The following TESK2 variants were observed in gnomAD, a reference collection of about 807,000 sequenced individuals.
TESK2 encodes dual specificity testis-specific protein kinase 2.
A neutral mutation model predicts 57.1 loss-of-function variants in TESK2; 39 were observed. That is an observed-to-expected ratio of 0.68 (90% confidence interval 0.53 to 0.89). TESK2 has a LOEUF of 0.89. Ranked by LOEUF, TESK2 falls within the 40% of genes least tolerant of loss-of-function variation. TESK2 has a pLI of 0.00. For missense variants in TESK2, 646 were observed against 732.1 expected (o/e 0.88, Z 1.36); for synonymous variants, 249 against 267.9 (o/e 0.93, Z 0.69).
At chr1:45,465,168 G>A (rs376257453) in intron 1 of TESK2, among the ~76,000 whole-genome samples, 32 of 151,822 alleles carry the variant, frequency 2.1e-4, no homozygotes, top group East Asian at 1.7e-3. Flanking sequence ...CACAGGAGGC[G>A]AAGGTTGCAA....
At chr1:45,379,044 G>A (rs1648544758) in intron 4 of TESK2, among the ~76,000 whole-genome samples, 1 of 151,972 alleles carries the variant, frequency 6.6e-6, no homozygotes, top group South Asian at 2.1e-4. Context: ...TCTTTATCAT[G>A]GTAAATAAGG....
In TESK2 at chr1:45,345,427, G is replaced by C. The variant is rs1348632597; in HGVS notation, c.1129C>G (p.Pro377Ala). The stretch of plus-strand genomic sequence containing the variant: ...GGGTCCAAGACACTCACTGTACGTG[G>C]GGGCTTACGGGAAAAGATATCTGAC... ...SQSDIFSRKP[P>A]RTVSVLDPYY... The change falls in exon 11 of 11, where the codon CCA (proline) becomes GCA (alanine). Residue 377 changes from proline (P) to alanine (A), a missense_variant. By Grantham distance (27) the Pro-to-Ala change is conservative (BLOSUM62 -1). Coordinates refer to ENST00000372086, the MANE Select transcript of TESK2 (RefSeq NM_007170.3). The C allele has an allele frequency of 6.2e-7, 1 of 1,614,168 alleles. No homozygotes were observed.
chr1:45,432,287 G>A lies in TESK2; in HGVS notation c.223-10441C>T, dbSNP rs528984554. 3.9e-5 allele frequency among the ~76,000 whole-genome samples: 6 copies of A among 151,926 alleles called. No homozygotes were observed. The East Asian group carries it at 5.9e-4, about 15-fold the overall frequency. On this transcript the variant is annotated intron_variant, in intron 2 of 10. Transcript: ENST00000372086. ...TGGCATTAAGGGATCCTCCTGCCTC[G>A]GCCTTCCAAAGTGCTAGGATTACAG...
At position 45,360,083 on chromosome 1, in the gene TESK2, T is replaced by C. The variant is rs1189275924; in HGVS notation, c.394-4634A>G. Among the ~76,000 whole-genome samples the C allele has an allele frequency of 2.6e-5, 4 of 152,290 alleles. No homozygotes were observed. The East Asian group carries it at 7.7e-4, about 29-fold the overall frequency. ...ACTTCTCAAAAGGGAAACTTGTTGA[T>C]CTGCTTCATCCTGCTTGATAATCCA... On this transcript the variant is annotated intron_variant, in intron 4 of 10. Coordinates refer to ENST00000372086, the MANE Select transcript of TESK2 (RefSeq NM_007170.3).
At position 45,421,719 on chromosome 1, in the gene TESK2, C is replaced by T; in HGVS notation, c.344+6G>A. ...TCATTGATCAGAAGGAAGGAAAAGC[C>T]ATTACCTAAGGATGTTGGGATGGGA... On this transcript the variant is annotated splice_donor_region_variant and intron_variant, in intron 3 of 10. Transcript: ENST00000372086. 1.2e-6 allele frequency: 2 copies of T among 1,613,818 alleles called. No individual in the cohort carries two copies. Among genetic ancestry groups the T allele is most frequent in the Admixed American group, 1.7e-5 (1 of 59,974 alleles).
chr1:45,485,523 AT>A (rs71052884), intron 1 of TESK2, among the ~76,000 whole-genome samples: 40,738 of 136,232 alleles, frequency 0.3, 6,312 homozygotes, highest in African/African-American at 0.43. Flanking sequence ...TTTTTATTTT[AT>A]TTTTTTTTTT....
intron 4 of TESK2, among the ~76,000 whole-genome samples, chr1:45,385,125 A>C (rs2149274559): frequency 6.6e-6 from 1 of 152,358 alleles, no homozygotes; most frequent in Non-Finnish European, 1.5e-5. Context: ...GAATGTGAAA[A>C]GAATCTAGAA....
intron 2 of TESK2, among the ~76,000 whole-genome samples, chr1:45,445,087 C>T (rs1462233312): frequency 6.6e-6 from 1 of 152,118 alleles, no homozygotes; most frequent in African/African-American, 2.4e-5. Flanking sequence ...GATGGCACCA[C>T]CTGGATTGGC....
chr1:45,385,679 C>T (rs943460598), intron 4 of TESK2, among the ~76,000 whole-genome samples: 8 of 145,916 alleles, frequency 5.5e-5, no homozygotes, highest in African/African-American at 1.6e-4. Flanking sequence ...GCACATGTAC[C>T]CCAGAACTTA....
chr1:45,368,498 C>T (rs1053673742), intron 4 of TESK2, among the ~76,000 whole-genome samples: 62 of 151,858 alleles, frequency 4.1e-4, no homozygotes, highest in African/African-American at 1.5e-3. Flanking sequence ...CTCAGCCTCC[C>T]GAGTACCTGG....
At chr1:45,399,110 A>T in intron 3 of TESK2, 1 of 245,170 alleles carries the variant, frequency 4.1e-6, no homozygotes, top group Non-Finnish European at 8.1e-6. Context: ...GTTAGTTCTC[A>T]GTATTCATTG....
At chr1:45,453,523 C>T (rs778070557) in intron 2 of TESK2, among the ~76,000 whole-genome samples, 8 of 152,012 alleles carry the variant, frequency 5.3e-5, no homozygotes, top group East Asian at 1.9e-4. Flanking sequence ...TTACTTTATA[C>T]GATATTGAAA....
At chr1:45,465,032 T>A in intron 1 of TESK2, among the ~76,000 whole-genome samples, 1 of 151,370 alleles carries the variant, frequency 6.6e-6, no homozygotes, top group Non-Finnish European at 1.5e-5. Flanking sequence ...AGGTCAGGAG[T>A]TCGAGACCGG....
chr1:45,465,981 G>GA (rs1425623402), intron 1 of TESK2, among the ~76,000 whole-genome samples: 2 of 151,802 alleles, frequency 1.3e-5, no homozygotes, highest in East Asian at 1.9e-4. Flanking sequence ...AGAAGTTACT[G>GA]AAAAAAAATT....
At chr1:45,426,500 T>G (rs927665471) in intron 2 of TESK2, among the ~76,000 whole-genome samples, 6 of 152,076 alleles carry the variant, frequency 3.9e-5, no homozygotes, top group Non-Finnish European at 8.8e-5. Context: ...ACTATGAAAC[T>G]ACTACAAGAA....
chr1:45,449,344 A>G (rs1271107376), intron 2 of TESK2, among the ~76,000 whole-genome samples: 1 of 152,108 alleles, frequency 6.6e-6, no homozygotes, highest in Non-Finnish European at 1.5e-5. Context: ...GCACTCTGTG[A>G]TATTTATCCA....
At chr1:45,366,669 A>AACAAAC (rs1420449771) in intron 4 of TESK2, among the ~76,000 whole-genome samples, 1 of 152,150 alleles carries the variant, frequency 6.6e-6, no homozygotes, top group Non-Finnish European at 1.5e-5. Context: ...GAAATTGTTG[A>AACAAAC]ACAAACAAAT....
intron 2 of TESK2, among the ~76,000 whole-genome samples, chr1:45,423,760 A>G (rs1290924537): frequency 1.4e-4 from 22 of 152,138 alleles, no homozygotes; most frequent in Admixed American, 1.4e-3. Flanking sequence ...TCTACTTCTA[A>G]AAGTATTCGC....
At chr1:45,363,104 A>T (rs1254115892) in intron 4 of TESK2, among the ~76,000 whole-genome samples, 1 of 152,222 alleles carries the variant, frequency 6.6e-6, no homozygotes, top group Non-Finnish European at 1.5e-5. Context: ...GTGTTTGTTC[A>T]AAGGCAAGGA....
Sources: allele counts gnomAD v4.1 joint callset (sites outside exome capture counted in the v4.1 genomes callset), GRCh38; gene constraint gnomAD v4.1.1; transcripts MANE v1.5; gene names NCBI Gene and HGNC (gene_info 2026-07-23, HGNC 2026-07-21).